Variants in PLCG2 observed in about 807,000 individuals in gnomAD.
PLCG2 encodes the protein phospholipase C gamma 2.
Under a neutral mutation model 175.6 loss-of-function variants are expected in PLCG2, and 69 were observed. The ratio of observed to expected loss-of-function variants is 0.39; its 90% CI spans 0.32 to 0.48. PLCG2 has a LOEUF of 0.48. Among genes scored for constraint, PLCG2 ranks in the 20% least tolerant of loss-of-function variants. PLCG2 has a pLI of 0.91. For missense variants in PLCG2, 1,798 were observed against 1,650.9 expected, an observed-to-expected ratio of 1.09 and a Z score of -1.54; for synonymous variants, 827 against 624.0, an observed-to-expected ratio of 1.33 and a Z score of -4.85.
In PLCG2 at chr16:81,956,706, G is replaced by C. The variant is rs1911582997; in HGVS notation, c.3582G>C (p.Glu1194Asp). ...CEMRPVLESE[E>D]ELYSSCRQLR... Reference sequence around the variant, plus strand: ...CCTGCATCCTCCAGGAGAGCGAAGAGGAACTTTACTCCTCCTGTCGCCAGC... The same window carrying C: ...CCTGCATCCTCCAGGAGAGCGAAGACGAACTTTACTCCTCCTGTCGCCAGC... Residue 1194 changes from glutamate to aspartate, a missense_variant, in exon 32 of 33, where the codon GAG becomes GAC. Transcript: ENST00000564138. 6.2e-7 allele frequency: 1 copy of C among 1,613,924 alleles called. No homozygotes were observed. Among genetic ancestry groups the C allele is most frequent in the Non-Finnish European group, 8.5e-7 (1 of 1,179,968 alleles).
At chr16:81,848,896 G>T (rs1261321139) in intron 2 of PLCG2, among the ~76,000 whole-genome samples, 1 of 152,194 alleles carries the variant, frequency 6.6e-6, no homozygotes, top group Admixed American at 6.5e-5. Context: ...ATCATAGCAG[G>T]CATTGGGAGG....
At chr16:81,950,136 G>A (rs1359901306) in intron 31 of PLCG2, among the ~76,000 whole-genome samples, 1 of 152,070 alleles carries the variant, frequency 6.6e-6, no homozygotes, top group African/African-American at 2.4e-5. Context: ...AAATGGATAA[G>A]AACTTACATT....
chr16:81,829,227 G>A (rs149718876), intron 2 of PLCG2, among the ~76,000 whole-genome samples: 1,660 of 152,304 alleles, frequency 0.011, 42 homozygotes, highest in African/African-American at 0.038. Context: ...TCCTGCCTCA[G>A]CCTCCTGAGT....
rs147385414 is a variant in PLCG2, at chr16:81,762,461, C to T, written c.-48+6495C>T. 2.0e-3 allele frequency among the ~76,000 whole-genome samples: 311 copies of T among 151,736 alleles called. 1 individual carries two copies. Among genetic ancestry groups the T allele is most frequent in the Non-Finnish European group, 3.6e-3 (244 of 67,966 alleles). On this transcript the variant is annotated intron_variant, in intron 2 of 5. Transcript: ENST00000565054. ...GCATGCTCCTATAGTCCCAGGTACT[C>T]GGGAGGCTGAGGCATGAGAATCGCT...
intron 25 of PLCG2, among the ~76,000 whole-genome samples, chr16:81,932,257 C>T (rs1384196001): frequency 1.0e-5 from 1 of 99,930 alleles, no homozygotes; most frequent in Non-Finnish European, 2.3e-5. Flanking sequence ...TGCATCCTGG[C>T]AGGGCTGGAC....
chr16:81,756,159 A>G (rs1448146079), intron 2 of PLCG2, among the ~76,000 whole-genome samples: 4 of 152,220 alleles, frequency 2.6e-5, no homozygotes, highest in African/African-American at 9.6e-5. Flanking sequence ...ATTCCGCAAG[A>G]TCAAATAGGG....
chr16:81,934,518 C>G lies in PLCG2; in HGVS notation c.2829C>G (p.Thr943=). ...TCTACTGCAAACCAACCAGCAAAAC[C>G]AAGGACAACTTAGGTAACATCTTTC... ...LVVYCKPTSK[T]KDNLENPDFR... is the part of the protein sequence containing the mutation. The change falls in exon 26 of 33, where the codon ACC becomes ACG. Residue 943 remains threonine, a synonymous_variant. Coordinates refer to ENST00000564138, the MANE Select transcript of PLCG2 (RefSeq NM_002661.5). 1 of 1,605,454 alleles carries G rather than the reference C, an allele frequency of 6.2e-7. No homozygotes were observed. The highest frequency in any genetic ancestry group is 8.5e-7 in the Non-Finnish European group (1 of 1,172,326).
chr16:81,870,045 C>G (rs968902308), intron 6 of PLCG2, among the ~76,000 whole-genome samples: 1 of 152,156 alleles, frequency 6.6e-6, no homozygotes, highest in African/African-American at 2.4e-5. Context: ...TTAATGAGCT[C>G]CTGGAAAAAT....
chr16:81,804,913 A>G (rs1911922577), intron 2 of PLCG2, among the ~76,000 whole-genome samples: 2 of 152,344 alleles, frequency 1.3e-5, no homozygotes, highest in East Asian at 1.9e-4. Flanking sequence ...TGGGCACTAC[A>G]AGCTCACATG....
rs1021312710 is a variant in PLCG2 at position 81,959,704 on chromosome 16, G to A, written c.*1706G>A. ...AAGCAACTTTCAAGAAAGGCTAGGT[G>A]AGAAAGGCACTGGGATGAGTGCTGC... is the stretch of plus-strand genomic sequence containing the variant. On this transcript the variant is annotated 3_prime_UTR_variant, in exon 33 of 33. Transcript: ENST00000564138. 3.2e-5 allele frequency: 6 copies of A among 184,728 alleles called. No homozygotes were observed. Among genetic ancestry groups the A allele is most frequent in the Admixed American group, 6.2e-5 (1 of 16,010 alleles). The allele number at this position is 184,728 out of a possible 1,614,324, so 11.4% of individuals were successfully genotyped here.
At chr16:81,881,754 C>T (rs986372788) in intron 8 of PLCG2, among the ~76,000 whole-genome samples, 3 of 152,164 alleles carry the variant, frequency 2.0e-5, no homozygotes, top group Non-Finnish European at 4.4e-5. Flanking sequence ...AAGCGATTCT[C>T]CTGCCTCATC....
chr16:81,823,767 C>G (rs1904911856), intron 2 of PLCG2, among the ~76,000 whole-genome samples: 1 of 151,448 alleles, frequency 6.6e-6, no homozygotes, highest in South Asian at 2.1e-4. Context: ...TGGCCTCAAG[C>G]AATCCCCTGA....
chr16:81,896,260 G>C (rs1372983939), intron 13 of PLCG2, among the ~76,000 whole-genome samples: 1 of 152,176 alleles, frequency 6.6e-6, no homozygotes, highest in African/African-American at 2.4e-5. Flanking sequence ...TGGGCGCAGT[G>C]GCTCACGCCT....
At chr16:81,932,688 G>A (rs559774707) in intron 25 of PLCG2, among the ~76,000 whole-genome samples, 5 of 152,320 alleles carry the variant, frequency 3.3e-5, no homozygotes, top group African/African-American at 4.8e-5. Flanking sequence ...CAACTCTTCT[G>A]CAGGGAAGTG....
At chr16:81,879,087 C>T (rs541816980) in intron 7 of PLCG2, among the ~76,000 whole-genome samples, 8 of 152,124 alleles carry the variant, frequency 5.3e-5, no homozygotes, top group Non-Finnish European at 8.8e-5. Context: ...TGGGGGAATG[C>T]GGTGCGGGCT....
At chr16:81,851,304 C>T (rs1195425457) in intron 2 of PLCG2, among the ~76,000 whole-genome samples, 4 of 152,204 alleles carry the variant, frequency 2.6e-5, no homozygotes, top group Admixed American at 1.3e-4. Flanking sequence ...TGGACATGGT[C>T]GCTGGTGCAG....
intron 24 of PLCG2, 69 bp downstream of exon 24, chr16:81,928,693 C>G (rs1215145245): frequency 3.9e-6 from 4 of 1,033,000 alleles, no homozygotes; most frequent in Admixed American, 3.4e-5. Flanking sequence ...CAGCCCCGCC[C>G]TACACAGGGA....
intron 14 of PLCG2, among the ~76,000 whole-genome samples, chr16:81,904,229 C>G (rs1442234195): frequency 1.3e-5 from 2 of 152,178 alleles, no homozygotes; most frequent in African/African-American, 2.4e-5. Flanking sequence ...CGTTCTTTGA[C>G]TTACGGGATC....
At chr16:81,884,527 G>T (rs1019015095) in intron 9 of PLCG2, among the ~76,000 whole-genome samples, 1 of 152,094 alleles carries the variant, frequency 6.6e-6, no homozygotes, top group African/African-American at 2.4e-5. Flanking sequence ...TTGTGCCCCA[G>T]TTTCCCCCTC....
Sources: allele counts gnomAD v4.1 joint callset (sites outside exome capture counted in the v4.1 genomes callset), GRCh38; gene constraint gnomAD v4.1.1; transcripts MANE v1.5; gene names NCBI Gene and HGNC (gene_info 2026-07-23, HGNC 2026-07-21).